HDAC4: variants seen among roughly 807,000 people sequenced by gnomAD.
HDAC4 encodes histone deacetylase A.
Under a neutral mutation model 135.1 loss-of-function variants are expected in HDAC4, and 16 were observed. That is an observed-to-expected ratio of 0.12 (90% CI 0.08 to 0.18). HDAC4 has a LOEUF of 0.18. Among genes scored for constraint, HDAC4 ranks in the 10% least tolerant of loss-of-function variants. The pLI is 1.00. For synonymous variants in HDAC4, 685 were observed against 653.4 expected, an observed-to-expected ratio of 1.05 and a Z score of -0.74; for missense variants, 1,143 against 1,511.8, an observed-to-expected ratio of 0.76 and a Z score of 4.05.
At chr2:239,067,960 C>T (rs745943255) in intron 23 of HDAC4, among the ~76,000 whole-genome samples, 6 of 152,198 alleles carry the variant, frequency 3.9e-5, no homozygotes, top group African/African-American at 7.2e-5. Flanking sequence ...GTTTTCATCT[C>T]CTTGTGAGTT....
At chr2:239,179,618 C>A (rs181506160) in intron 4 of HDAC4, among the ~76,000 whole-genome samples, 1 of 152,164 alleles carries the variant, frequency 6.6e-6, no homozygotes. Context: ...AGGTCGGGAC[C>A]GATTGCCGCT....
intron 12 of HDAC4, among the ~76,000 whole-genome samples, chr2:239,118,426 G>A (rs190260615): frequency 2.3e-3 from 349 of 152,310 alleles, no homozygotes; most frequent in Non-Finnish European, 3.6e-3. Flanking sequence ...AGTAGGCGGC[G>A]TGGCACGTAA....
Position 239,303,506 on chromosome 2 carries a change from GCTC to G in HDAC4, c.22+49169_22+49171del, listed in dbSNP as rs1559346909. ...GGCAGCGTGCTTCCTCGATCTCCCC[GCTC>G]CTTTCTCGGGACAGCCTGTGGCTTG... On this transcript the variant is annotated intron_variant, in intron 2 of 26. Coordinates refer to ENST00000543185, the MANE Select transcript of HDAC4 (RefSeq NM_001378414.1). This position sits in a 1 kb window ranked among gnomAD's most constrained non-coding sequence, Gnocchi z 5.1. Among the ~76,000 whole-genome samples the G allele has an allele frequency of 6.6e-6, 1 of 151,958 alleles. No individual in the cohort carries two copies. The highest frequency in any genetic ancestry group is 2.4e-5 in the African/African-American group (1 of 41,392).
At chr2:239,107,298 T>C (rs1404557725) in intron 15 of HDAC4, among the ~76,000 whole-genome samples, 2 of 152,236 alleles carry the variant, frequency 1.3e-5, no homozygotes, top group African/African-American at 2.4e-5. Flanking sequence ...TGCAGCCAGA[T>C]TCGGGGCAGG....
intron 16 of HDAC4, among the ~76,000 whole-genome samples, chr2:239,095,886 C>G (rs1019156393): frequency 6.6e-6 from 1 of 152,190 alleles, no homozygotes; most frequent in Non-Finnish European, 1.5e-5. Flanking sequence ...CCCTCACTCT[C>G]CGCAGCCCCC....
chr2:239,115,044 T>C lies in HDAC4; in HGVS notation c.1791+9A>G. On this transcript the variant is annotated intron_variant, in intron 13 of 26. Coordinates refer to ENST00000543185, the MANE Select transcript of HDAC4 (RefSeq NM_001378414.1). The surrounding 1 kb of genome is among the most constrained non-coding windows in gnomAD (Gnocchi z 6.3). The stretch of plus-strand genomic sequence containing the variant: ...CCAGCCTTCTGGTGCCCTCCCCGCC[T>C]GCGGTCACCTGTCTGAAGAGCAGCT... 6.2e-7 allele frequency: 1 copy of C among 1,608,998 alleles called. No homozygotes were observed. The highest frequency in any genetic ancestry group is 8.5e-7 in the Non-Finnish European group (1 of 1,179,654).
At chr2:239,260,639 G>GTGTGGCC (rs950152491) in intron 2 of HDAC4, among the ~76,000 whole-genome samples, 1 of 152,142 alleles carries the variant, frequency 6.6e-6, no homozygotes, top group African/African-American at 2.4e-5. Flanking sequence ...TGGCCCTGCT[G>GTGTGGCC]TGTGGCCTGT....
intron 5 of HDAC4, among the ~76,000 whole-genome samples, chr2:239,173,250 A>G (rs1482973346): frequency 2.0e-5 from 3 of 152,218 alleles, no homozygotes; most frequent in Non-Finnish European, 4.4e-5. Flanking sequence ...TTGCAATCAT[A>G]CAAAATAAAA....
At chr2:239,101,525 G>GCCCCTGCAA (rs1346455838) in intron 16 of HDAC4, among the ~76,000 whole-genome samples, 1 of 152,126 alleles carries the variant, frequency 6.6e-6, no homozygotes, top group African/African-American at 2.4e-5. Flanking sequence ...CCCTCTCCTT[G>GCCCCTGCAA]CCCCTGCAAC....
chr2:239,159,956 T>C (rs1176050242), intron 6 of HDAC4, among the ~76,000 whole-genome samples: 1 of 152,272 alleles, frequency 6.6e-6, no homozygotes, highest in African/African-American at 2.4e-5. Context: ...AAGCAAATAC[T>C]GTTTTCTTCT....
rs960452365 is a variant in HDAC4 at position 239,146,453 on chromosome 2, G to A, written c.734-1739C>T. Among the ~76,000 whole-genome samples, 4 of 152,152 alleles carry A rather than the reference G, an allele frequency of 2.6e-5. No homozygotes were observed. The highest frequency in any genetic ancestry group is 6.5e-5 in the Admixed American group (1 of 15,286). On this transcript the variant is annotated intron_variant, in intron 7 of 26. Transcript: ENST00000543185. The surrounding 1 kb of genome is among the most constrained non-coding windows in gnomAD (Gnocchi z 4.5). Reference sequence around the variant, plus strand: ...AAAGGTCTTCCTCAGTGGCTGCCCTGCCACATAGAGTGGGACACGTGGCAT... The same window carrying A: ...AAAGGTCTTCCTCAGTGGCTGCCCTACCACATAGAGTGGGACACGTGGCAT...
chr2:239,386,306 C>G (rs912309675), intron 1 of HDAC4, among the ~76,000 whole-genome samples: 3 of 152,060 alleles, frequency 2.0e-5, no homozygotes, highest in Admixed American at 2.0e-4. Context: ...TAGAGGCATC[C>G]TCAGTTTCTG....
At chr2:239,165,476 G>A (rs1042110655) in intron 5 of HDAC4, among the ~76,000 whole-genome samples, 1 of 151,596 alleles carries the variant, frequency 6.6e-6, no homozygotes, top group African/African-American at 2.4e-5. Flanking sequence ...CAGTGGTGTT[G>A]TGGGTCTGTG....
chr2:239,134,602 G>C lies in HDAC4; in HGVS notation c.1020C>G (p.Ala340=). ...AHRLVAREGS[A]APLPLYTSPS... is the part of the protein sequence containing the mutation. ...GCGATGTGTAGAGGGGAAGTGGAGC[G>C]GCCGAGCCTTCTCGTGCCACAAGTC... Residue 340 remains alanine, a synonymous_variant, in exon 10 of 27, where the codon GCC becomes GCG. Coordinates refer to ENST00000543185, the MANE Select transcript of HDAC4 (RefSeq NM_001378414.1). 1.2e-6 allele frequency: 2 copies of C among 1,614,112 alleles called. No individual in the cohort carries two copies. The highest frequency in any genetic ancestry group is 1.7e-6 in the Non-Finnish European group (2 of 1,180,018).
intron 2 of HDAC4, among the ~76,000 whole-genome samples, chr2:239,270,272 C>T (rs771652289): frequency 1.1e-4 from 16 of 152,152 alleles, no homozygotes; most frequent in Non-Finnish European, 1.5e-5. Context: ...AGAAAAGCGC[C>T]GTTGGTGACA....
Position 239,349,646 on chromosome 2 carries a change from G to A in HDAC4, c.22+3032C>T, listed in dbSNP as rs1021721965. ...CCCGCCTGAGACGTGGGCAGAGGCC[G>A]CTGGGCCACCAGCCAGTGTGTGCAG... On this transcript the variant is annotated intron_variant, in intron 2 of 26. Coordinates refer to ENST00000543185, the MANE Select transcript of HDAC4 (RefSeq NM_001378414.1). The surrounding 1 kb of genome is among the most constrained non-coding windows in gnomAD (Gnocchi z 5.7). Among the ~76,000 whole-genome samples, 2 of 152,220 alleles carry A rather than the reference G, an allele frequency of 1.3e-5. No homozygotes were observed. The highest frequency in any genetic ancestry group is 6.5e-5 in the Admixed American group (1 of 15,290).
Position 239,068,272 on chromosome 2 carries a change from G to A in HDAC4, c.2869+217C>T, listed in dbSNP as rs186097477. 1.2e-3 allele frequency among the ~76,000 whole-genome samples: 186 copies of A among 152,350 alleles called. No individual in the cohort carries two copies. The highest frequency in any genetic ancestry group is 1.9e-3 in the Non-Finnish European group (129 of 68,030). On this transcript the variant is annotated intron_variant, in intron 23 of 26. Coordinates refer to ENST00000543185, the MANE Select transcript of HDAC4 (RefSeq NM_001378414.1). The surrounding 1 kb of genome is among the most constrained non-coding windows in gnomAD (Gnocchi z 4.4). ...GTGCCCTAGGCCCTTCCTGGGCAAA[G>A]AGTGCCCGAGGTGCCTGGGTCTGAG...
chr2:239,287,185 G>A (rs1465772756), intron 2 of HDAC4, among the ~76,000 whole-genome samples: 1 of 152,184 alleles, frequency 6.6e-6, no homozygotes, highest in African/African-American at 2.4e-5. Context: ...TGGATTTCCT[G>A]TTTTCCCTGT....
At chr2:239,393,188 C>T (rs997205567) in intron 1 of HDAC4, among the ~76,000 whole-genome samples, 1 of 152,176 alleles carries the variant, frequency 6.6e-6, no homozygotes, top group Non-Finnish European at 1.5e-5. Flanking sequence ...GCAGAAGTCC[C>T]CACAACAGCA....
Sources: gnomAD v4.1 joint callset for allele counts (sites outside exome capture counted in the v4.1 genomes callset) on GRCh38, gnomAD v4.1.1 for gene constraint, Gnocchi (gnomAD v3.1) non-coding constraint, MANE v1.5 for transcripts, NCBI Gene and HGNC (gene_info 2026-07-23, HGNC 2026-07-21) for gene names.